EDARADD: variants seen among roughly 807,000 people sequenced by gnomAD.
EDARADD encodes the protein EDAR associated via death domain, also known as ectodysplasin-A receptor-associated adapter protein.
A neutral mutation model predicts 25.6 loss-of-function variants in EDARADD; 20 were observed. The observed-to-expected ratio is 0.78, with a 90% CI of 0.55 to 1.14. EDARADD has a LOEUF of 1.14. EDARADD is among the 50% of genes most tolerant of loss of function. EDARADD has a pLI of 0.00. For synonymous variants in EDARADD, 86 were observed against 94.4 expected, an observed-to-expected ratio of 0.91 and a Z score of 0.52; for missense variants, 225 against 270.1, an observed-to-expected ratio of 0.83 and a Z score of 1.17.
intron 5 of EDARADD, among the ~76,000 whole-genome samples, chr1:236,479,086 T>A (rs1659593389): frequency 6.6e-6 from 1 of 151,970 alleles, no homozygotes; most frequent in Non-Finnish European, 1.5e-5. Context: ...GGGTGATGGG[T>A]GCACCAAAAT....
chr1:236,463,307 C>T (rs1337709763), intron 4 of EDARADD, among the ~76,000 whole-genome samples: 3 of 152,062 alleles, frequency 2.0e-5, no homozygotes, highest in Non-Finnish European at 2.9e-5. Context: ...ATAAAAGTTA[C>T]GATTTTAACC....
At chr1:236,394,607 T>C in intron 1 of EDARADD, 102 bp downstream of exon 1, 1 of 1,006,972 alleles carries the variant, frequency 9.9e-7, no homozygotes, top group Non-Finnish European at 1.4e-6. Flanking sequence ...CACTAAATAC[T>C]ATTATTATCT....
chr1:236,435,734 C>G (rs771953559), intron 4 of EDARADD, among the ~76,000 whole-genome samples: 3 of 151,958 alleles, frequency 2.0e-5, no homozygotes, highest in Admixed American at 6.6e-5. Context: ...GGATGAGAAA[C>G]TTCAGGATTT....
At chr1:236,373,122 A>G (rs1667190591) in intron 3 of EDARADD, among the ~76,000 whole-genome samples, 2 of 151,714 alleles carry the variant, frequency 1.3e-5, no homozygotes, top group South Asian at 4.2e-4. Context: ...TCACCATGTT[A>G]GCCAGCATGG....
At chr1:236,433,316 G>C (rs544381087) in intron 4 of EDARADD, among the ~76,000 whole-genome samples, 26 of 59,112 alleles carry the variant, frequency 4.4e-4, no homozygotes, top group South Asian at 1.7e-3. Flanking sequence ...CAGCACTTTG[G>C]GGGGGGCCGA....
chr1:236,349,694 G>A (rs1006331341), intron 2 of EDARADD, among the ~76,000 whole-genome samples: 1 of 146,494 alleles, frequency 6.8e-6, no homozygotes, highest in Non-Finnish European at 1.5e-5. Context: ...GAAGTTCTCC[G>A]ATAGCAGACT....
chr1:236,468,151 T>C, intron 4 of EDARADD, 80 bp from the exon 5 acceptor site: 1 of 1,458,330 alleles, frequency 6.9e-7, no homozygotes, highest in Non-Finnish European at 9.6e-7. Flanking sequence ...TTGGTGGAAA[T>C]TTAACTAAGT....
intron 4 of EDARADD, among the ~76,000 whole-genome samples, chr1:236,429,326 C>T (rs1384711800): frequency 1.3e-5 from 2 of 150,180 alleles, no homozygotes; most frequent in Non-Finnish European, 3.0e-5. Context: ...CATGCCTCAG[C>T]CTCCTGAGTA....
chr1:236,464,423 C>CTTTTT lies in EDARADD; in HGVS notation c.220-3785_220-3781dup, dbSNP rs35064410. Among the ~76,000 whole-genome samples, 94 of 72,972 alleles carry CTTTTT rather than the reference C, an allele frequency of 1.3e-3. 8 individuals carry two copies. The highest frequency in any genetic ancestry group is 2.9e-3 in the African/African-American group (62 of 21,130). 47.9% of individuals were successfully genotyped at this position (72,972 alleles called of 152,430 possible). A position where few individuals can be genotyped will look rare whatever the true frequency, so the allele number is the denominator to read the frequency against. ...CCACCATGCGTGGTCCTTGCTGCAA[C>CTTTTT]TTTTTTTTTTTTTTTTTTTTTTTTT... On this transcript the variant is annotated intron_variant, in intron 4 of 5. Coordinates refer to ENST00000334232, the MANE Select transcript of EDARADD (RefSeq NM_145861.4).
intron 3 of EDARADD, among the ~76,000 whole-genome samples, chr1:236,359,956 G>C (rs1313355312): frequency 1.3e-5 from 2 of 152,120 alleles, no homozygotes; most frequent in Non-Finnish European, 2.9e-5. Context: ...AGTGGGCTAA[G>C]ACAACTACTA....
At chr1:236,436,329 G>T (rs1202483404) in intron 4 of EDARADD, among the ~76,000 whole-genome samples, 1 of 151,720 alleles carries the variant, frequency 6.6e-6, no homozygotes, top group East Asian at 1.9e-4. Context: ...GCTAATTTTT[G>T]CATTTTTAGT....
chr1:236,425,169 T>C (rs1034687623), intron 3 of EDARADD, among the ~76,000 whole-genome samples: 26 of 152,342 alleles, frequency 1.7e-4, no homozygotes, highest in African/African-American at 5.5e-4. Flanking sequence ...AGATGAGCTC[T>C]TTGGCGTGTT....
chr1:236,452,047 C>T (rs1658727111), intron 4 of EDARADD, among the ~76,000 whole-genome samples: 1 of 152,214 alleles, frequency 6.6e-6, no homozygotes, highest in Admixed American at 6.5e-5. Context: ...CTCCAGCTAG[C>T]ATCTTGCTTC....
At chr1:236,414,334 AT>A (rs1558116211) in intron 3 of EDARADD, 35 bp downstream of exon 3, 1 of 1,537,638 alleles carries the variant, frequency 6.5e-7, no homozygotes. Context: ...TGAACATGTG[AT>A]TATTTTAATA....
intron 3 of EDARADD, among the ~76,000 whole-genome samples, chr1:236,416,494 T>C (rs570652961): frequency 6.6e-6 from 1 of 152,358 alleles, no homozygotes; most frequent in East Asian, 1.9e-4. Context: ...AGCAACCTGA[T>C]ACTACAGTAA....
intron 5 of EDARADD, among the ~76,000 whole-genome samples, chr1:236,469,898 C>T (rs1046384947): frequency 5.3e-5 from 8 of 151,932 alleles, no homozygotes; most frequent in East Asian, 1.9e-4. Context: ...TTAGTAGAGA[C>T]GGGGTTTCAC....
intron 4 of EDARADD, among the ~76,000 whole-genome samples, chr1:236,441,440 G>A (rs944070566): frequency 1.3e-4 from 18 of 143,984 alleles, no homozygotes; most frequent in Non-Finnish European, 2.6e-4. Context: ...TCTTCTTCCA[G>A]GAAAGAAGTA....
rs566900609 is a variant in EDARADD, at chr1:236,467,432, A to G, written c.220-799A>G. 7.4e-5 allele frequency among the ~76,000 whole-genome samples: 11 copies of G among 149,222 alleles called. No individual in the cohort carries two copies. The East Asian group carries it at 8.2e-4, about 11-fold the overall frequency. ...ATGGGAAGCACACACACGCGCACAC[A>G]CACACACACACACACACACACACAT... On this transcript the variant is annotated intron_variant, in intron 4 of 5. Coordinates refer to ENST00000334232, the MANE Select transcript of EDARADD (RefSeq NM_145861.4).
intron 4 of EDARADD, among the ~76,000 whole-genome samples, chr1:236,444,732 A>G (rs1461215612): frequency 6.6e-6 from 1 of 152,096 alleles, no homozygotes; most frequent in African/African-American, 2.4e-5. Context: ...CCAACTCTAC[A>G]ATGTTGATTC....
Sources: allele counts gnomAD v4.1 joint callset (sites outside exome capture counted in the v4.1 genomes callset), GRCh38; gene constraint gnomAD v4.1.1; transcripts MANE v1.5; gene names NCBI Gene and HGNC (gene_info 2026-07-23, HGNC 2026-07-21).